The following AGFG1 variants were observed in gnomAD, a reference collection of about 807,000 sequenced individuals.
The protein encoded by AGFG1 is arf-GAP domain and FG repeat-containing protein 1.
A neutral mutation model predicts 60.6 loss-of-function variants in AGFG1; 10 were observed. That is an observed-to-expected ratio of 0.16 (90% confidence interval 0.10 to 0.28). AGFG1 has a LOEUF of 0.28. Among genes scored for constraint, AGFG1 ranks in the 10% least tolerant of loss-of-function variants. The pLI, the probability that AGFG1 is intolerant of heterozygous loss-of-function variation, is 1.00. For missense variants in AGFG1, 537 were observed against 676.5 expected, an observed-to-expected ratio of 0.79 and a Z score of 2.29; for synonymous variants, 247 against 242.9, an observed-to-expected ratio of 1.02 and a Z score of -0.16.
intron 1 of AGFG1, among the ~76,000 whole-genome samples, chr2:227,473,680 TACTA>T (rs1690192684): frequency 6.6e-6 from 1 of 152,254 alleles, no homozygotes; most frequent in Non-Finnish European, 1.5e-5. Context: ...ACGTGGCAGT[TACTA>T]AGTATTTTTA....
In AGFG1 at chr2:227,524,850, C is replaced by T. The variant is rs1397641583; in HGVS notation, c.629C>T (p.Ala210Val). ...GATCTCGGCTCAGACATCTTTGCTG[C>T]TCCAGCTCCTCAGTCAACAGCTACA... ...LSDLGSDIFA[A>V]PAPQSTATAN... Residue 210 changes from alanine to valine, a missense_variant, in exon 5 of 13, where the codon GCT (alanine) becomes GTT (valine). By Grantham distance (64) the Ala-to-Val change is moderately conservative. Around this residue, in one of 4 missense-constraint regions of AGFG1, gnomAD observed 102 missense variants for 82.9 expected, o/e 1.23. Transcript: ENST00000310078. The T allele has an allele frequency of 1.2e-6, 2 of 1,614,148 alleles. No individual in the cohort carries two copies. The highest frequency in any genetic ancestry group is 1.7e-5 in the Admixed American group (1 of 60,030).
chr2:227,490,832 G>C (rs1690793511), intron 1 of AGFG1, among the ~76,000 whole-genome samples: 1 of 152,126 alleles, frequency 6.6e-6, no homozygotes, highest in South Asian at 2.1e-4. Context: ...AAACATCAAG[G>C]TAAAGTCCTT....
chr2:227,522,971 G>C (rs1286767415), intron 3 of AGFG1, among the ~76,000 whole-genome samples: 8 of 152,108 alleles, frequency 5.3e-5, no homozygotes, highest in Non-Finnish European at 1.2e-4. Flanking sequence ...TTGTATTATC[G>C]TAAATTTTTT....
intron 8 of AGFG1, 57 bp from the exon 9 acceptor site, chr2:227,536,568 C>T (rs1213291396): frequency 7.6e-6 from 11 of 1,454,808 alleles, no homozygotes; most frequent in South Asian, 2.3e-5. Context: ...CCCTGTAAAT[C>T]GTTACTTTCT....
At chr2:227,537,820 A>G (rs1692358372) in intron 10 of AGFG1, among the ~76,000 whole-genome samples, 1 of 152,130 alleles carries the variant, frequency 6.6e-6, no homozygotes. Context: ...GTTGATATGA[A>G]CTCTTGAGAG....
intron 10 of AGFG1, chr2:227,550,022 A>G (rs747578230): frequency 6.9e-6 from 3 of 436,310 alleles, no homozygotes; most frequent in Non-Finnish European, 9.4e-6. Context: ...TTATCTATAA[A>G]TTAATTGACG....
chr2:227,495,507 C>T (rs73081492), intron 2 of AGFG1, among the ~76,000 whole-genome samples: 2,736 of 148,472 alleles, frequency 0.018, 83 homozygotes, highest in African/African-American at 0.065. Flanking sequence ...GATCATGCAA[C>T]TGCACACCAG....
chr2:227,504,591 C>T (rs1415806283), intron 2 of AGFG1, among the ~76,000 whole-genome samples: 2 of 152,188 alleles, frequency 1.3e-5, no homozygotes, highest in Non-Finnish European at 1.5e-5. Context: ...TGATCATTTT[C>T]CCTCTAAGCT....
intron 1 of AGFG1, among the ~76,000 whole-genome samples, chr2:227,478,809 C>A (rs1428977564): frequency 6.6e-6 from 1 of 152,044 alleles, no homozygotes; most frequent in African/African-American, 2.4e-5. Flanking sequence ...ATGCTGAATT[C>A]TTCTAGATTT....
Position 227,531,336 on chromosome 2 carries a change from CA to C in AGFG1, c.814+130del, listed in dbSNP as rs1230424689. ...TCTGACTTTAAAATGGTTCTATCTT[CA>C]AAAGCTCTGGGGAAACCTGAACTCT... On this transcript the variant is annotated intron_variant, in intron 6 of 12. Transcript: ENST00000310078. 7 of 1,144,220 alleles carry C rather than the reference CA, an allele frequency of 6.1e-6. No individual in the cohort carries two copies. The Admixed American group carries it at 1.1e-4, about 17-fold the overall frequency. 70.9% of individuals were successfully genotyped at this position (1,144,220 alleles called of 1,614,324 possible).
intron 3 of AGFG1, among the ~76,000 whole-genome samples, chr2:227,520,458 C>G (rs1691792768): frequency 6.6e-6 from 1 of 152,170 alleles, no homozygotes; most frequent in South Asian, 2.1e-4. Flanking sequence ...ATACTAGGCA[C>G]TATGCTAAAG....
At chr2:227,552,311 G>A (rs1017496667) in intron 11 of AGFG1, among the ~76,000 whole-genome samples, 194 bp downstream of exon 11, 4 of 152,192 alleles carry the variant, frequency 2.6e-5, no homozygotes, top group Non-Finnish European at 5.9e-5. Flanking sequence ...TTGTGAGCAG[G>A]TTACAATTTA....
chr2:227,513,502 T>C (rs1691555441), intron 2 of AGFG1, among the ~76,000 whole-genome samples: 1 of 152,222 alleles, frequency 6.6e-6, no homozygotes, highest in Non-Finnish European at 1.5e-5. Flanking sequence ...CATTGAAGTT[T>C]CCAGTTCCTA....
intron 5 of AGFG1, among the ~76,000 whole-genome samples, chr2:227,530,843 TAC>T (rs1171049148): frequency 6.6e-6 from 1 of 152,172 alleles, no homozygotes; most frequent in Non-Finnish European, 1.5e-5. Flanking sequence ...TGAGGTCATA[TAC>T]AGAGTATTGT....
At chr2:227,506,049 T>A (rs564090841) in intron 2 of AGFG1, among the ~76,000 whole-genome samples, 1 of 152,214 alleles carries the variant, frequency 6.6e-6, no homozygotes, top group Non-Finnish European at 1.5e-5. Context: ...GCCTGTAATA[T>A]GTTTTTGAAT....
intron 5 of AGFG1, among the ~76,000 whole-genome samples, chr2:227,529,246 G>A (rs1477011848): frequency 6.6e-6 from 1 of 151,958 alleles, no homozygotes; most frequent in East Asian, 1.9e-4. Flanking sequence ...TTTTTCCAGA[G>A]CCTTTCCAAG....
intron 2 of AGFG1, among the ~76,000 whole-genome samples, chr2:227,497,727 C>CTTTTTT (rs1691018848): frequency 7.3e-5 from 1 of 13,638 alleles, no homozygotes; most frequent in Non-Finnish European, 1.3e-4. Flanking sequence ...GAGTTTCTTT[C>CTTTTTT]TTGTTTTGTT....
rs1298100536 is a variant in AGFG1, at chr2:227,559,898, GT to G, written c.*5409del. 1 of 152,032 alleles carries G rather than the reference GT, an allele frequency of 6.6e-6. No individual in the cohort carries two copies. Among genetic ancestry groups the G allele is most frequent in the Admixed American group, 6.6e-5 (1 of 15,264 alleles). 9.4% of individuals were successfully genotyped at this position (152,032 alleles called of 1,614,324 possible). A position where few individuals can be genotyped will look rare whatever the true frequency, so the allele number is the denominator to read the frequency against. On this transcript the variant is annotated 3_prime_UTR_variant, in exon 13 of 13. Transcript: ENST00000310078. Reference sequence around the variant, plus strand: ...ATCAGGTTTTTTAAAGACTTTAAAGGTTTTTTGTATGCTATAATATATGCTT... The same window carrying G: ...ATCAGGTTTTTTAAAGACTTTAAAGGTTTTTGTATGCTATAATATATGCTT...
At position 227,478,119 on chromosome 2, in the gene AGFG1, T is replaced by A. The variant is rs61147833; in HGVS notation, c.167+5531T>A. 1.2e-3 allele frequency among the ~76,000 whole-genome samples: 165 copies of A among 142,578 alleles called. 1 individual carries two copies. The East Asian group carries it at 0.014, about 12-fold the overall frequency. The allele number at this position is 142,578 out of a possible 152,430, so 93.5% of individuals were successfully genotyped here. The stretch of plus-strand genomic sequence containing the variant: ...TCAATTTGGCATGTGCATACTACCA[T>A]GTGCCGTAATTCTCGTGCTATTTTT... On this transcript the variant is annotated intron_variant, in intron 1 of 12. Transcript: ENST00000310078.
Sources: allele counts gnomAD v4.1 joint callset (sites outside exome capture counted in the v4.1 genomes callset), GRCh38; gene constraint gnomAD v4.1.1; regional missense constraint gnomAD v4.1.1; transcripts MANE v1.5; gene names NCBI Gene and HGNC (gene_info 2026-07-23, HGNC 2026-07-21).